Variants in NEK9 observed in about 807,000 individuals in gnomAD.
NEK9 encodes serine/threonine-protein kinase Nek9.
Under a neutral mutation model 123.4 loss-of-function variants are expected in NEK9, and 75 were observed. The observed-to-expected ratio is 0.61, with a 90% CI of 0.50 to 0.74. NEK9 has a LOEUF of 0.74. Ranked by LOEUF, NEK9 falls within the 30% of genes least tolerant of loss-of-function variation. NEK9 has a pLI of 0.00. For missense variants in NEK9, 952 were observed against 1,214.4 expected, an observed-to-expected ratio of 0.78 and a Z score of 3.21; for synonymous variants, 438 against 458.7, an observed-to-expected ratio of 0.95 and a Z score of 0.58.
chr14:75,079,528 A>C lies in NEK9; in HGVS notation c.*5036T>G, dbSNP rs1171639194. ...TTTAAGTGGGAATGTAAACCAGTAC[A>C]TTGCAATAGATGGCAAGAGTAAGCT... is the stretch of plus-strand genomic sequence containing the variant. On this transcript the variant is annotated 3_prime_UTR_variant, in exon 22 of 22. Transcript: ENST00000238616. 1 of 152,258 alleles carries C rather than the reference A, an allele frequency of 6.6e-6. No individual in the cohort carries two copies. The highest frequency in any genetic ancestry group is 2.4e-5 in the African/African-American group (1 of 41,472). The allele number at this position is 152,258 out of a possible 1,614,324, so 9.4% of individuals were successfully genotyped here.
intron 20 of NEK9, 79 bp downstream of exon 20, chr14:75,088,401 G>A: frequency 6.9e-7 from 1 of 1,451,814 alleles, no homozygotes; most frequent in Non-Finnish European, 9.5e-7. Flanking sequence ...CCAAAAGCTA[G>A]AGCGAGGCCA....
At position 75,081,940 on chromosome 14, in the gene NEK9, A is replaced by G. The variant is rs1350445717; in HGVS notation, c.*2624T>C. On this transcript the variant is annotated 3_prime_UTR_variant, in exon 22 of 22. Coordinates refer to ENST00000238616, the MANE Select transcript of NEK9 (RefSeq NM_033116.6). The surrounding 1 kb of genome is among the most constrained non-coding windows in gnomAD (Gnocchi z 4.2). ...AGCAGCAATGATTCTGCTGGCAAGA[A>G]TAAGAAACTGGAGAGAAGCAAAGAA... The G allele has an allele frequency of 6.6e-6, 1 of 152,232 alleles. No individual in the cohort carries two copies. Among genetic ancestry groups the G allele is most frequent in the Non-Finnish European group, 1.5e-5 (1 of 68,028 alleles). 9.4% of individuals were successfully genotyped at this position (152,232 alleles called of 1,614,324 possible).
Position 75,082,991 on chromosome 14 carries a change from A to C in NEK9, c.*1573T>G, listed in dbSNP as rs1478983024. 1.3e-5 allele frequency: 5 copies of C among 398,536 alleles called. No individual in the cohort carries two copies. The highest frequency in any genetic ancestry group is 2.2e-5 in the Non-Finnish European group (5 of 226,074). The allele number at this position is 398,536 out of a possible 1,614,324, so 24.7% of individuals were successfully genotyped here. On this transcript the variant is annotated 3_prime_UTR_variant, in exon 22 of 22. Coordinates refer to ENST00000238616, the MANE Select transcript of NEK9 (RefSeq NM_033116.6). ...AACAATGGGAACATCAAACCAAAGA[A>C]GATCCCATTGAACAGAGTTGCCTGT...
In NEK9 at chr14:75,106,547, G is replaced by C. The variant is rs1390765494; in HGVS notation, c.1483C>G (p.Leu495Val). 2.5e-6 allele frequency: 4 copies of C among 1,613,844 alleles called. No individual in the cohort carries two copies. In the African/African-American group the frequency reaches 5.3e-5, roughly 22 times the overall value. The change falls in exon 12 of 22, where the codon CTG (leucine) becomes GTG (valine). Residue 495 changes from leucine (L) to valine (V), a missense_variant. By Grantham distance (32) the Leu-to-Val change is conservative. Transcript: ENST00000238616. ...VSCGDNHVVV[L>V]TRNKEVYSWG... is the part of the protein sequence containing the mutation. ...GAATAGACTTCCTTGTTTCGTGTCA[G>C]AACCACCACATGATTATCTCCACAG...
At chr14:75,085,871 C>T (rs1217737036) in intron 21 of NEK9, among the ~76,000 whole-genome samples, 1 of 151,962 alleles carries the variant, frequency 6.6e-6, no homozygotes, top group African/African-American at 2.4e-5. Context: ...GCCTTGGTGA[C>T]AATGCAAGAC....
intron 21 of NEK9, among the ~76,000 whole-genome samples, chr14:75,085,375 T>C (rs906953510): frequency 1.3e-5 from 2 of 152,228 alleles, no homozygotes; most frequent in East Asian, 3.8e-4. Flanking sequence ...TTATTTTCTT[T>C]CAGGTGAGAA....
At chr14:75,112,283 A>G (rs887864923) in intron 8 of NEK9, among the ~76,000 whole-genome samples, 1 of 152,256 alleles carries the variant, frequency 6.6e-6, no homozygotes, top group Non-Finnish European at 1.5e-5. Flanking sequence ...CAAGGCAAAA[A>G]TAGTGTAATA....
In NEK9 at chr14:75,097,373, T is replaced by C. The variant is rs572286912; in HGVS notation, c.2003-103A>G. ...CTAGAGCTAGAAAGACTTCCCACTA[T>C]GTACTAAACAAGGGAAAGCTGTTTA... On this transcript the variant is annotated intron_variant, in intron 16 of 21. Transcript: ENST00000238616. 7 of 954,014 alleles carry C rather than the reference T, an allele frequency of 7.3e-6. No homozygotes were observed. In the East Asian group the frequency reaches 8.1e-5, roughly 11 times the overall value. 59.1% of individuals were successfully genotyped at this position (954,014 alleles called of 1,614,324 possible).
At chr14:75,095,315 C>G (rs1894346632) in intron 18 of NEK9, 57 bp downstream of exon 18, 7 of 1,295,424 alleles carry the variant, frequency 5.4e-6, no homozygotes, top group Non-Finnish European at 7.7e-6. Flanking sequence ...TACATGGAAT[C>G]TAACCAAAAG....
At position 75,124,061 on chromosome 14, in the gene NEK9, G is replaced by A; in HGVS notation, c.382C>T (p.Leu128=). ...FMDNTTLLIE[L]EYCNGGNLYD... ...TCTATCTTACCATTACAATATTCCAGCTCAATCAGCAGCGTGGTATTGTCC... is the reference window on the plus strand; with the variant it reads ...TCTATCTTACCATTACAATATTCCAACTCAATCAGCAGCGTGGTATTGTCC... The change falls in exon 2 of 22, where the codon CTG becomes TTG. Residue 128 remains leucine (L), a synonymous_variant. Transcript: ENST00000238616. 5.6e-6 allele frequency: 9 copies of A among 1,612,364 alleles called. No individual in the cohort carries two copies. Among genetic ancestry groups the A allele is most frequent in the Non-Finnish European group, 7.6e-6 (9 of 1,178,558 alleles).
At chr14:75,115,020 T>C (rs142525378) in intron 6 of NEK9, among the ~76,000 whole-genome samples, 51 of 150,522 alleles carry the variant, frequency 3.4e-4, no homozygotes, top group African/African-American at 1.1e-3. Context: ...CACACACATA[T>C]ATGTGTATAT....
chr14:75,121,156 T>C lies in NEK9; in HGVS notation c.416A>G (p.Lys139Arg), dbSNP rs373296924. The C allele has an allele frequency of 4.3e-6, 7 of 1,613,636 alleles. No individual in the cohort carries two copies. The highest frequency in any genetic ancestry group is 1.3e-5 in the African/African-American group (1 of 75,066). The change falls in exon 3 of 22, where the codon AAA (lysine) becomes AGA (arginine). Residue 139 changes from lysine to arginine, a missense_variant. Coordinates refer to ENST00000238616, the MANE Select transcript of NEK9 (RefSeq NM_033116.6). The part of the protein sequence containing the change: ...EYCNGGNLYD[K>R]ILRQKDKLFE... ...CAACTTGTCCTTCTGACGAAGGATTTTGTCATACAGGTTCCCTCCTGCAAT... is the reference window on the plus strand; with the variant it reads ...CAACTTGTCCTTCTGACGAAGGATTCTGTCATACAGGTTCCCTCCTGCAAT...
intron 13 of NEK9, among the ~76,000 whole-genome samples, chr14:75,104,228 G>A (rs1204193402): frequency 2.0e-5 from 3 of 150,924 alleles, no homozygotes; most frequent in African/African-American, 4.9e-5. Flanking sequence ...GAAGTCGTGC[G>A]ATCTTAGCTC....
chr14:75,109,956 GAGA>G lies in NEK9; in HGVS notation c.990-82_990-80del, dbSNP rs149193069. The G allele has an allele frequency of 3.5e-3, 4,627 of 1,329,504 alleles. 148 individuals carry two copies. In the African/African-American group the frequency reaches 0.063, roughly 18 times the overall value. 82.4% of individuals were successfully genotyped at this position (1,329,504 alleles called of 1,614,324 possible). ...GAAAAATGCTTCCAGTCTGTTCCCTGAGAAGAACTGCCAATTATGGTATGAGAA... is the reference window on the plus strand; with the variant it reads ...GAAAAATGCTTCCAGTCTGTTCCCTGAGAACTGCCAATTATGGTATGAGAA... On this transcript the variant is annotated intron_variant, in intron 9 of 21. Coordinates refer to ENST00000238616, the MANE Select transcript of NEK9 (RefSeq NM_033116.6).
chr14:75,091,073 G>T (rs1359493224), intron 19 of NEK9, among the ~76,000 whole-genome samples, 197 bp downstream of exon 19: 1 of 152,144 alleles, frequency 6.6e-6, no homozygotes, highest in South Asian at 2.1e-4. Context: ...AAGGGTATGA[G>T]AACATTTTTT....
At chr14:75,099,797 AAG>A (rs1491316518) in intron 16 of NEK9, among the ~76,000 whole-genome samples, 5 of 148,882 alleles carry the variant, frequency 3.4e-5, no homozygotes, top group African/African-American at 1.0e-4. Context: ...AAAAAAAAAA[AAG>A]AAGAGGAGTG....
chr14:75,093,260 T>C (rs7142235), intron 18 of NEK9, among the ~76,000 whole-genome samples: 69,889 of 151,952 alleles, frequency 0.46, 17,109 homozygotes, highest in East Asian at 0.84. Flanking sequence ...AACATTTCCA[T>C]TGTTGCAAAA....
chr14:75,091,908 CCT>C (rs1367016786), intron 18 of NEK9, among the ~76,000 whole-genome samples: 22 of 152,170 alleles, frequency 1.4e-4, no homozygotes, highest in Non-Finnish European at 2.9e-4. Flanking sequence ...GAGCCAAACT[CCT>C]CTTAAAGTTG....
chr14:75,125,276 A>G (rs1381173811), intron 1 of NEK9, among the ~76,000 whole-genome samples: 1 of 152,222 alleles, frequency 6.6e-6, no homozygotes, highest in Non-Finnish European at 1.5e-5. Context: ...CTACATATGC[A>G]ACTTAATGCT....
Sources: gnomAD v4.1 joint callset for allele counts (sites outside exome capture counted in the v4.1 genomes callset) on GRCh38, gnomAD v4.1.1 for gene constraint, Gnocchi (gnomAD v3.1) non-coding constraint, MANE v1.5 for transcripts, NCBI Gene and HGNC (gene_info 2026-07-23, HGNC 2026-07-21) for gene names.